NFIA: variants seen among roughly 807,000 people sequenced by gnomAD.
The protein encoded by NFIA is nuclear factor 1 A-type.
Under a neutral mutation model 62.8 loss-of-function variants are expected in NFIA, and 8 were observed. The ratio of observed to expected loss-of-function variants is 0.13; its 90% CI spans 0.07 to 0.23. The LOEUF (loss-of-function observed/expected upper bound fraction) is 0.23. Ranked by LOEUF, NFIA falls within the 10% of genes least tolerant of loss-of-function variation. NFIA has a pLI of 1.00. For synonymous variants in NFIA, 235 were observed against 238.1 expected (o/e 0.99, Z 0.12); for missense variants, 410 against 642.1 (o/e 0.64, Z 3.91).
chr1:61,275,473 A>C (rs72911911), intron 2 of NFIA, among the ~76,000 whole-genome samples: 2,634 of 152,330 alleles, frequency 0.017, 73 homozygotes, highest in African/African-American at 0.06. Context: ...TGGCTATTGT[A>C]TATCTAATAA....
At chr1:61,133,573 C>G (rs2100493303) in intron 2 of NFIA, among the ~76,000 whole-genome samples, 2 of 152,306 alleles carry the variant, frequency 1.3e-5, no homozygotes, top group East Asian at 3.9e-4. Flanking sequence ...AAATTGACAG[C>G]ATTGCCTAGT....
At chr1:61,367,475 A>G (rs1308222378) in intron 6 of NFIA, among the ~76,000 whole-genome samples, 1 of 152,206 alleles carries the variant, frequency 6.6e-6, no homozygotes, top group East Asian at 1.9e-4. Flanking sequence ...GCAGTAGGAA[A>G]GCATCATCTG....
chr1:61,258,627 A>G (rs1216148413), intron 2 of NFIA, among the ~76,000 whole-genome samples: 6 of 152,210 alleles, frequency 3.9e-5, no homozygotes, highest in Non-Finnish European at 8.8e-5. Flanking sequence ...CCAGAGTCAC[A>G]TACTATAGAA....
intron 4 of NFIA, among the ~76,000 whole-genome samples, chr1:61,339,918 G>A (rs1365633980): frequency 1.3e-5 from 2 of 152,184 alleles, no homozygotes; most frequent in Non-Finnish European, 2.9e-5. Context: ...CCTTGTGTTC[G>A]ATATGTGCCC....
intron 2 of NFIA, among the ~76,000 whole-genome samples, chr1:61,177,922 C>A (rs1650501357): frequency 6.6e-6 from 1 of 152,178 alleles, no homozygotes; most frequent in African/African-American, 2.4e-5. Context: ...TAATGAAGAT[C>A]TATAGGAGAC....
At chr1:61,311,085 T>C (rs1458097864) in intron 3 of NFIA, among the ~76,000 whole-genome samples, 1 of 152,142 alleles carries the variant, frequency 6.6e-6, no homozygotes, top group Non-Finnish European at 1.5e-5. Context: ...TTTCTGAAAG[T>C]AATTTTAAAA....
intron 2 of NFIA, among the ~76,000 whole-genome samples, chr1:61,211,927 A>C (rs1653288468): frequency 6.6e-6 from 1 of 152,060 alleles, no homozygotes; most frequent in Admixed American, 6.6e-5. Flanking sequence ...GAACTTGTGA[A>C]CTCAAACCAT....
chr1:61,234,095 C>T (rs769763040), intron 2 of NFIA, among the ~76,000 whole-genome samples: 16 of 151,758 alleles, frequency 1.1e-4, no homozygotes, highest in Non-Finnish European at 2.2e-4. Flanking sequence ...TGGCTGGGCG[C>T]GGTGGCTCAC....
intron 2 of NFIA, among the ~76,000 whole-genome samples, chr1:61,145,529 C>T (rs981397732): frequency 6.6e-6 from 1 of 152,168 alleles, no homozygotes; most frequent in Non-Finnish European, 1.5e-5. Flanking sequence ...GTCCTAGGTG[C>T]TAAAGATATA....
chr1:61,362,618 C>G (rs544462187), intron 6 of NFIA, among the ~76,000 whole-genome samples: 2 of 152,196 alleles, frequency 1.3e-5, no homozygotes, highest in Non-Finnish European at 2.9e-5. Context: ...TTGTAGTATC[C>G]TGTTCCCCAT....
intron 2 of NFIA, among the ~76,000 whole-genome samples, chr1:61,202,404 T>C (rs1335556828): frequency 2.0e-5 from 3 of 152,064 alleles, no homozygotes; most frequent in Non-Finnish European, 2.9e-5. Context: ...GACAGGAGAG[T>C]ACATCCTTGT....
intron 2 of NFIA, among the ~76,000 whole-genome samples, chr1:61,253,861 T>A (rs920759242): frequency 2.0e-5 from 3 of 152,244 alleles, no homozygotes; most frequent in Non-Finnish European, 4.4e-5. Flanking sequence ...AGTGACTAAT[T>A]ATTGGCTAAT....
intron 3 of NFIA, among the ~76,000 whole-genome samples, chr1:61,295,457 C>G (rs1659142778): frequency 6.6e-6 from 1 of 152,160 alleles, no homozygotes; most frequent in Non-Finnish European, 1.5e-5. Flanking sequence ...GGGTTCAGAA[C>G]ATGGGTAAAG....
intron 7 of NFIA, among the ~76,000 whole-genome samples, chr1:61,396,239 T>C (rs1019631971): frequency 2.0e-5 from 3 of 152,174 alleles, no homozygotes; most frequent in Non-Finnish European, 1.5e-5. Flanking sequence ...TGTTACTGTT[T>C]TTTTGTTTGT....
At chr1:61,428,464 C>A (rs962883718) in intron 10 of NFIA, among the ~76,000 whole-genome samples, 2 of 150,846 alleles carry the variant, frequency 1.3e-5, no homozygotes, top group African/African-American at 4.9e-5. Flanking sequence ...CATAGTGACA[C>A]CTGCCACATT....
At chr1:61,338,772 G>A (rs146534716) in intron 4 of NFIA, among the ~76,000 whole-genome samples, 63 of 152,250 alleles carry the variant, frequency 4.1e-4, no homozygotes, top group Middle Eastern at 3.4e-3. Flanking sequence ...AGTCATTTGG[G>A]GTGCCATTTA....
chr1:61,332,624 C>T, intron 4 of NFIA, 38 bp downstream of exon 4: 2 of 1,585,314 alleles, frequency 1.3e-6, no homozygotes, highest in Non-Finnish European at 1.7e-6. Flanking sequence ...ACAGATTTGC[C>T]TTGGTTTGTG....
At chr1:61,419,113 A>T (rs1484711451) in intron 9 of NFIA, among the ~76,000 whole-genome samples, 1 of 152,158 alleles carries the variant, frequency 6.6e-6, no homozygotes, top group African/African-American at 2.4e-5. Context: ...GCCTTTAAAA[A>T]CTATTATGAG....
At chr1:61,161,581 T>C (rs1386565069) in intron 2 of NFIA, among the ~76,000 whole-genome samples, 1 of 96,696 alleles carries the variant, frequency 1.0e-5, no homozygotes, top group Non-Finnish European at 2.1e-5. Context: ...ACATGCGCCA[T>C]GTGCAACACA....
Sources: allele counts gnomAD v4.1 joint callset (sites outside exome capture counted in the v4.1 genomes callset), GRCh38; gene constraint gnomAD v4.1.1; transcripts MANE v1.5; gene names NCBI Gene and HGNC (gene_info 2026-07-23, HGNC 2026-07-21).